The following TRPC4 variants were observed in gnomAD, a reference collection of about 807,000 sequenced individuals.
The protein encoded by TRPC4 is short transient receptor potential channel 4.
TRPC4 carries 49 observed loss-of-function variants against 99.4 expected under a neutral mutation model. That is an observed-to-expected ratio of 0.49 (90% CI 0.39 to 0.63). The LOEUF (loss-of-function observed/expected upper bound fraction) is 0.63. TRPC4 is among the 20% of genes least tolerant of loss of function. The probability of loss-of-function intolerance (pLI) is 0.00; values close to 1 mark genes in which losing one functional copy is unlikely to be tolerated. For missense variants in TRPC4, 898 were observed against 1,152.9 expected (o/e 0.78, Z 3.20); for synonymous variants, 454 against 425.9 (o/e 1.07, Z -0.81).
At chr13:37,837,296 C>G (rs924594544) in intron 1 of TRPC4, among the ~76,000 whole-genome samples, 1 of 152,232 alleles carries the variant, frequency 6.6e-6, no homozygotes, top group Non-Finnish European at 1.5e-5. Flanking sequence ...AAGAGGGCCA[C>G]CTTCCTCCAG....
In TRPC4 at chr13:37,698,167, C is replaced by CTTTTTTTTT. The variant is rs67611413; in HGVS notation, c.898-5841_898-5833dup. Among the ~76,000 whole-genome samples the CTTTTTTTTT allele has an allele frequency of 1.4e-4, 6 of 42,560 alleles. 1 individual carries two copies. Among genetic ancestry groups the CTTTTTTTTT allele is most frequent in the Non-Finnish European group, 1.9e-4 (5 of 26,720 alleles). 27.9% of individuals were successfully genotyped at this position (42,560 alleles called of 152,430 possible). A position where few individuals can be genotyped will look rare whatever the true frequency, so the allele number is the denominator to read the frequency against. ...TCTCAAGGTTACTCCAAGGACTAAC[C>CTTTTTTTTT]TTTTTTTTTTTGAGTGGGAATCTCA... On this transcript the variant is annotated intron_variant, in intron 3 of 10. Coordinates refer to ENST00000379705, the MANE Select transcript of TRPC4 (RefSeq NM_016179.4).
At chr13:37,690,283 T>C (rs1017571075) in intron 4 of TRPC4, among the ~76,000 whole-genome samples, 18 of 152,294 alleles carry the variant, frequency 1.2e-4, no homozygotes, top group African/African-American at 4.3e-4. Context: ...CTTCGGACAC[T>C]TATAGATTAT....
chr13:37,828,931 T>A (rs553018725), intron 1 of TRPC4, among the ~76,000 whole-genome samples: 11 of 152,288 alleles, frequency 7.2e-5, no homozygotes, highest in African/African-American at 2.4e-4. Flanking sequence ...CAATTACCTA[T>A]ATAAACAATC....
chr13:37,652,269 T>G (rs1288928699), intron 7 of TRPC4, among the ~76,000 whole-genome samples: 1 of 152,238 alleles, frequency 6.6e-6, no homozygotes, highest in Non-Finnish European at 1.5e-5. Context: ...ATACATTCAT[T>G]TTAAGAATTC....
In TRPC4 at chr13:37,847,009, C is replaced by T. The variant is rs182235113; in HGVS notation, c.-28+22586G>A. Among the ~76,000 whole-genome samples, 1,026 of 151,788 alleles carry T rather than the reference C, an allele frequency of 6.8e-3. 20 individuals are homozygous for T. Among genetic ancestry groups the T allele is most frequent in the African/African-American group, 0.023 (970 of 41,442 alleles). ...GAATTGATTCACCAAGAAGAGATAA[C>T]AATTGTAAATATATATGCACCCAAC... On this transcript the variant is annotated intron_variant, in intron 1 of 10. Transcript: ENST00000379705.
intron 1 of TRPC4, among the ~76,000 whole-genome samples, chr13:37,818,894 T>C (rs970420824): frequency 6.6e-6 from 1 of 151,944 alleles, no homozygotes; most frequent in African/African-American, 2.4e-5. Flanking sequence ...GGCACGCGTA[T>C]ACCTATGTAA....
intron 5 of TRPC4, among the ~76,000 whole-genome samples, chr13:37,670,692 A>C (rs929859557): frequency 6.6e-6 from 1 of 152,224 alleles, no homozygotes; most frequent in Non-Finnish European, 1.5e-5. Context: ...CATTCCCTGC[A>C]TAAATGACCT....
chr13:37,691,512 C>T (rs1378068792), intron 4 of TRPC4, among the ~76,000 whole-genome samples: 1 of 152,066 alleles, frequency 6.6e-6, no homozygotes, highest in Admixed American at 6.5e-5. Flanking sequence ...TGGCGGATAT[C>T]CTGTTGTTTA....
rs200710008 is a variant in TRPC4 at position 37,783,307 on chromosome 13, A to T, written c.27T>A (p.Asn9Lys). Residue 9 changes from asparagine (N) to lysine (K), a missense_variant, in exon 2 of 11, where the codon AAT (asparagine) becomes AAA (lysine). Around this residue, in one of 3 missense-constraint regions of TRPC4, gnomAD observed 278 missense variants for 346.6 expected, o/e 0.80. Coordinates refer to ENST00000379705, the MANE Select transcript of TRPC4 (RefSeq NM_016179.4). ...TGCGGTCTCTATAGGGAGCATTAACATTTCTTTTGTAATAGAACTGAGCCA... is the reference window on the plus strand; with the variant it reads ...TGCGGTCTCTATAGGGAGCATTAACTTTTCTTTTGTAATAGAACTGAGCCA... MAQFYYKR[N>K]VNAPYRDRIP... 1 of 1,585,160 alleles carries T rather than the reference A, an allele frequency of 6.3e-7. No individual in the cohort carries two copies. The highest frequency in any genetic ancestry group is 2.2e-5 in the East Asian group (1 of 44,590).
At chr13:37,825,549 G>A (rs529901985) in intron 1 of TRPC4, among the ~76,000 whole-genome samples, 1 of 151,202 alleles carries the variant, frequency 6.6e-6, no homozygotes, top group East Asian at 2.0e-4. Context: ...TCATTCAGGA[G>A]CAGGTTGTTC....
At chr13:37,842,372 G>GAAAAAAAAAAAAAAAAAAA (rs1566216069) in intron 1 of TRPC4, among the ~76,000 whole-genome samples, 6 of 72,092 alleles carry the variant, frequency 8.3e-5, no homozygotes, top group Non-Finnish European at 1.4e-4. Context: ...AAAAAAAAAG[G>GAAAAAAAAAAAAAAAAAAA]AAAAGGAAAA....
chr13:37,803,732 G>T (rs1231589839), intron 1 of TRPC4, among the ~76,000 whole-genome samples: 1 of 152,008 alleles, frequency 6.6e-6, no homozygotes, highest in Non-Finnish European at 1.5e-5. Context: ...GTTGGAGGTA[G>T]GGGGCTGGTT....
intron 2 of TRPC4, among the ~76,000 whole-genome samples, chr13:37,761,138 T>C (rs140449198): frequency 6.6e-6 from 1 of 152,092 alleles, no homozygotes; most frequent in African/African-American, 2.4e-5. Context: ...AGTGCAAATA[T>C]ACTTGGAGTC....
chr13:37,689,525 T>C (rs1469118470), intron 4 of TRPC4, among the ~76,000 whole-genome samples: 1 of 152,202 alleles, frequency 6.6e-6, no homozygotes, highest in Non-Finnish European at 1.5e-5. Flanking sequence ...TTCTAGGAAA[T>C]CTCTTTTCAT....
At chr13:37,844,495 A>G (rs1258998224) in intron 1 of TRPC4, among the ~76,000 whole-genome samples, 1 of 152,046 alleles carries the variant, frequency 6.6e-6, no homozygotes, top group Non-Finnish European at 1.5e-5. Context: ...GGGTTTTGCC[A>G]TGTTGGTCAG....
chr13:37,698,690 C>A (rs984874046), intron 3 of TRPC4, among the ~76,000 whole-genome samples: 1 of 152,092 alleles, frequency 6.6e-6, no homozygotes, highest in African/African-American at 2.4e-5. Context: ...ACACAAAAAT[C>A]TCAACAATAA....
chr13:37,779,133 A>G (rs1362922483), intron 2 of TRPC4, among the ~76,000 whole-genome samples: 1 of 152,114 alleles, frequency 6.6e-6, no homozygotes, highest in Non-Finnish European at 1.5e-5. Context: ...TCTGCTTCTG[A>G]TAAACATTTA....
At chr13:37,837,140 A>G (rs909662773) in intron 1 of TRPC4, among the ~76,000 whole-genome samples, 3 of 152,244 alleles carry the variant, frequency 2.0e-5, no homozygotes, top group Admixed American at 6.5e-5. Context: ...GAAGATGTAT[A>G]GAAACACCCA....
intron 1 of TRPC4, among the ~76,000 whole-genome samples, chr13:37,793,363 G>C (rs1030878478): frequency 6.6e-6 from 1 of 151,870 alleles, no homozygotes; most frequent in Non-Finnish European, 1.5e-5. Context: ...ATATACATGT[G>C]CCATGTTGGT....
Sources: allele counts gnomAD v4.1 joint callset (sites outside exome capture counted in the v4.1 genomes callset), GRCh38; gene constraint gnomAD v4.1.1; regional missense constraint gnomAD v4.1.1; transcripts MANE v1.5; gene names NCBI Gene and HGNC (gene_info 2026-07-23, HGNC 2026-07-21).